OR5M1: variants seen among roughly 807,000 people sequenced by gnomAD.
OR5M1 encodes olfactory receptor family 5 subfamily M member 1.
For synonymous variants in OR5M1, 165 were observed against 144.2 expected, an observed-to-expected ratio of 1.14 and a Z score of -1.04; for missense variants, 367 against 379.5, an observed-to-expected ratio of 0.97 and a Z score of 0.27.
rs779584648 is a variant in OR5M1 at position 56,613,052 on chromosome 11, A to G, written c.451T>C (p.Tyr151His). Residue 151 changes from tyrosine (Y) to histidine (H), a missense_variant, in exon 2 of 2, where the codon TAT (tyrosine) becomes CAT (histidine). By Grantham distance (83) the Tyr-to-His change is moderately conservative. Coordinates refer to ENST00000641076, the MANE Select transcript of OR5M1 (RefSeq NM_001004740.2). ...TGAGAGAACCCACTAAGAAACCCATACATGTAAGGGATAGTGACCAGACAG... is the reference window on the plus strand; with the variant it reads ...TGAGAGAACCCACTAAGAAACCCATGCATGTAAGGGATAGTGACCAGACAG... The part of the protein sequence containing the change: ...CVCLVTIPYM[Y>H]GFLSGFSQSL... 66 of 1,611,482 alleles carry G rather than the reference A, an allele frequency of 4.1e-5. 3 individuals carry two copies. The South Asian group carries it at 7.1e-4, about 17-fold the overall frequency.
chr11:56,611,940 T>G lies in OR5M1; in HGVS notation c.*615A>C, dbSNP rs11600720. On this transcript the variant is annotated 3_prime_UTR_variant, in exon 2 of 2. Transcript: ENST00000641076. ...AAACTCATAAAAAGGTGTTGAGAGT[T>G]GATTTTCAGAATCAAGGACGATAAC... 0.098 allele frequency: 14,963 copies of G among 152,176 alleles called. 862 individuals carry two copies. The highest frequency in any genetic ancestry group is 0.14 in the Non-Finnish European group (9,781 of 67,976). The allele number at this position is 152,176 out of a possible 1,614,324, so 9.4% of individuals were successfully genotyped here.
rs1207684469 is a variant in OR5M1, at chr11:56,611,605, T to C, written c.*950A>G. ...TAATGCATGGATTAATGTGTCTCCT[T>C]AGGTAGCCTCTCTGAGATTGATTTT... On this transcript the variant is annotated 3_prime_UTR_variant, in exon 2 of 2. Transcript: ENST00000641076. The C allele has an allele frequency of 1.3e-5, 2 of 152,090 alleles. No homozygotes were observed. Among genetic ancestry groups the C allele is most frequent in the Non-Finnish European group, 2.9e-5 (2 of 68,016 alleles). The allele number at this position is 152,090 out of a possible 1,614,324, so 9.4% of individuals were successfully genotyped here.
Position 56,609,284 on chromosome 11 carries a change from G to T in OR5M1, c.*3271C>A, listed in dbSNP as rs1198086995. The T allele has an allele frequency of 6.6e-6, 1 of 151,772 alleles. No individual in the cohort carries two copies. Among genetic ancestry groups the T allele is most frequent in the Non-Finnish European group, 1.5e-5 (1 of 67,794 alleles). 9.4% of individuals were successfully genotyped at this position (151,772 alleles called of 1,614,324 possible). On this transcript the variant is annotated 3_prime_UTR_variant, in exon 2 of 2. Coordinates refer to ENST00000641076, the MANE Select transcript of OR5M1 (RefSeq NM_001004740.2). ...ACTTACATAACAGCAATAAGCAAAA[G>T]GTCACATTTTTCCAAATAGAAATAC...
rs1029180984 is a variant in OR5M1, at chr11:56,612,649, A to G, written c.854T>C (p.Leu285Pro). The G allele has an allele frequency of 3.1e-5, 50 of 1,613,646 alleles. No homozygotes were observed. The highest frequency in any genetic ancestry group is 4.1e-5 in the Non-Finnish European group (48 of 1,179,730). ...AVFYTFLSPMLNPLIYSLRNT... is the reference protein window; with the variant it reads ...AVFYTFLSPMPNPLIYSLRNT... ...CCGTAGGCTATAGATCAATGGGTTCAGCATTGGGCTCAAAAAAGTATAAAA... is the reference window on the plus strand; with the variant it reads ...CCGTAGGCTATAGATCAATGGGTTCGGCATTGGGCTCAAAAAAGTATAAAA... Residue 285 changes from leucine to proline, a missense_variant, in exon 2 of 2, where the codon CTG (leucine) becomes CCG (proline). Physicochemically the swap from Leu to Pro is moderately conservative, Grantham distance 98. Transcript: ENST00000641076.
rs777673604 is a variant in OR5M1, at chr11:56,612,964, G to A, written c.539C>T (p.Ala180Val). 7.4e-6 allele frequency: 12 copies of A among 1,613,818 alleles called. No individual in the cohort carries two copies. In the South Asian group the frequency reaches 1.2e-4, roughly 16 times the overall value. Residue 180 changes from alanine (A) to valine (V), a missense_variant, in exon 2 of 2, where the codon GCT becomes GTT. Ala to Val is a moderately conservative substitution (Grantham distance 64, BLOSUM62 0). Transcript: ENST00000641076. Reference sequence around the variant, plus strand: ...GGCCAGCATGATAAGAGGAGGATCAGCGCAGTAGAAATGATTGATTTCAAG... The same window carrying A: ...GGCCAGCATGATAAGAGGAGGATCAACGCAGTAGAAATGATTGATTTCAAG... ...GSLEINHFYC[A>V]DPPLIMLACS... is the part of the protein sequence containing the mutation.
chr11:56,614,565 C>G (rs1359454683), intron 1 of OR5M1, among the ~76,000 whole-genome samples: 1 of 152,076 alleles, frequency 6.6e-6, no homozygotes, highest in East Asian at 1.9e-4. Context: ...CACTCTCTCT[C>G]AGTTCTCTTT....
rs2134956407 is a variant in OR5M1 at position 56,610,128 on chromosome 11, T to G, written c.*2427A>C. The G allele has an allele frequency of 6.6e-6, 1 of 152,104 alleles. No individual in the cohort carries two copies. Among genetic ancestry groups the G allele is most frequent in the East Asian group, 1.9e-4 (1 of 5,172 alleles). 9.4% of individuals were successfully genotyped at this position (152,104 alleles called of 1,614,324 possible). A position where few individuals can be genotyped will look rare whatever the true frequency, so the allele number is the denominator to read the frequency against. ...TCACAGGACAGATCCCTCATAAATT[T>G]TACTCCCTCATATTTGTCTGTACCT... On this transcript the variant is annotated 3_prime_UTR_variant, in exon 2 of 2. Coordinates refer to ENST00000641076, the MANE Select transcript of OR5M1 (RefSeq NM_001004740.2).
At position 56,612,865 on chromosome 11, in the gene OR5M1, A is replaced by T. The variant is rs1427216931; in HGVS notation, c.638T>A (p.Ile213Asn). 2 of 1,613,630 alleles carry T rather than the reference A, an allele frequency of 1.2e-6. No individual in the cohort carries two copies. The highest frequency in any genetic ancestry group is 2.7e-5 in the African/African-American group (2 of 74,932). The part of the protein sequence containing the change: ...AGFNLSSSLF[I>N]ILLSYLFIFA... ...AATGAAAAGATAGGACAGAAGAATGATGAAGAGAGAGCTTGAGAGATTAAA... is the reference window on the plus strand; with the variant it reads ...AATGAAAAGATAGGACAGAAGAATGTTGAAGAGAGAGCTTGAGAGATTAAA... Residue 213 changes from isoleucine to asparagine, a missense_variant, in exon 2 of 2, where the codon ATC becomes AAC. Coordinates refer to ENST00000641076, the MANE Select transcript of OR5M1 (RefSeq NM_001004740.2).
intron 1 of OR5M1, among the ~76,000 whole-genome samples, chr11:56,614,489 T>C (rs1172392517): frequency 6.6e-6 from 1 of 152,078 alleles, no homozygotes; most frequent in African/African-American, 2.4e-5. Flanking sequence ...ACTAACCCAC[T>C]CATGACAATA....
chr11:56,613,562 T>G, intron 1 of OR5M1, 43 bp from the exon 2 acceptor site: 1 of 1,495,294 alleles, frequency 6.7e-7, no homozygotes, highest in Non-Finnish European at 9.2e-7. Context: ...CTGATTCAGA[T>G]TTGGCATTTG....
chr11:56,612,034 C>T lies in OR5M1; in HGVS notation c.*521G>A, dbSNP rs928287305. 2 of 152,186 alleles carry T rather than the reference C, an allele frequency of 1.3e-5. No homozygotes were observed. The highest frequency in any genetic ancestry group is 4.8e-5 in the African/African-American group (2 of 41,450). The allele number at this position is 152,186 out of a possible 1,614,324, so 9.4% of individuals were successfully genotyped here. A position where few individuals can be genotyped will look rare whatever the true frequency, so the allele number is the denominator to read the frequency against. ...ACAAGATGGGTTTGGGGAACACTTA[C>T]AGCAAATTTAACGTATCAGTGACCC... On this transcript the variant is annotated 3_prime_UTR_variant, in exon 2 of 2. Coordinates refer to ENST00000641076, the MANE Select transcript of OR5M1 (RefSeq NM_001004740.2).
At position 56,609,906 on chromosome 11, in the gene OR5M1, T is replaced by C. The variant is rs1853654382; in HGVS notation, c.*2649A>G. The C allele has an allele frequency of 6.6e-6, 1 of 152,038 alleles. No homozygotes were observed. The allele number at this position is 152,038 out of a possible 1,614,324, so 9.4% of individuals were successfully genotyped here. ...TATTAAGGTCATATGATCTAACTAT[T>C]ATATGACATTCAACATGATGTTCAT... is the stretch of plus-strand genomic sequence containing the variant. On this transcript the variant is annotated 3_prime_UTR_variant, in exon 2 of 2. Coordinates refer to ENST00000641076, the MANE Select transcript of OR5M1 (RefSeq NM_001004740.2).
rs1284941975 is a variant in OR5M1 at position 56,611,108 on chromosome 11, C to T, written c.*1447G>A. On this transcript the variant is annotated 3_prime_UTR_variant, in exon 2 of 2. Transcript: ENST00000641076. ...CCACCGATGAAATGATGCTGGCCCTCAAAAAGGAAGTGAGGACTCTGTGTC... is the reference window on the plus strand; with the variant it reads ...CCACCGATGAAATGATGCTGGCCCTTAAAAAGGAAGTGAGGACTCTGTGTC... 1 of 149,550 alleles carries T rather than the reference C, an allele frequency of 6.7e-6. No homozygotes were observed. The highest frequency in any genetic ancestry group is 1.5e-5 in the Non-Finnish European group (1 of 66,538). The allele number at this position is 149,550 out of a possible 1,614,324, so 9.3% of individuals were successfully genotyped here.
At chr11:56,614,570 C>G (rs1853722691) in intron 1 of OR5M1, among the ~76,000 whole-genome samples, 1 of 152,058 alleles carries the variant, frequency 6.6e-6, no homozygotes, top group Non-Finnish European at 1.5e-5. Flanking sequence ...TCTCTCAGTT[C>G]TCTTTGAAAG....
At position 56,613,320 on chromosome 11, in the gene OR5M1, G is replaced by A. The variant is rs1853706062; in HGVS notation, c.183C>T (p.Phe61=). 3 of 1,613,694 alleles carry A rather than the reference G, an allele frequency of 1.9e-6. No individual in the cohort carries two copies. The East Asian group carries it at 6.7e-5, about 36-fold the overall frequency. Residue 61 remains phenylalanine (F), a synonymous_variant, in exon 2 of 2, where the codon TTC becomes TTT. Coordinates refer to ENST00000641076, the MANE Select transcript of OR5M1 (RefSeq NM_001004740.2). ...TNSHLQTPMY[F]FLGHLSFVDI... ...CTACAAAGGAGAGGTGGCCAAGGAAGAAATACATGGGTGTTTGCAGGTGGG... is the reference window on the plus strand; with the variant it reads ...CTACAAAGGAGAGGTGGCCAAGGAAAAAATACATGGGTGTTTGCAGGTGGG...
Position 56,612,951 on chromosome 11 carries a change from A to G in OR5M1, c.552T>C (p.Leu184=), listed in dbSNP as rs370951522. Residue 184 remains leucine, a synonymous_variant, in exon 2 of 2, where the codon CTT becomes CTC. Transcript: ENST00000641076. ...INHFYCADPP[L]IMLACSDTRV... is the part of the protein sequence containing the mutation. ...GGGTGTCAGAGCAGGCCAGCATGATAAGAGGAGGATCAGCGCAGTAGAAAT... is the reference window on the plus strand; with the variant it reads ...GGGTGTCAGAGCAGGCCAGCATGATGAGAGGAGGATCAGCGCAGTAGAAAT... The G allele has an allele frequency of 1.4e-4, 233 of 1,613,766 alleles. No homozygotes were observed. The African/African-American group carries it at 3.0e-3, about 21-fold the overall frequency.
rs1290928446 is a variant in OR5M1 at position 56,613,509 on chromosome 11, A to G, written c.-7T>C. ...TGTGGTTTGGGGAGAACATCTTCTT[A>G]TCTCTTGAAACTGAAAGTGACAAAG... On this transcript the variant is annotated 5_prime_UTR_variant, in exon 2 of 2. Coordinates refer to ENST00000641076, the MANE Select transcript of OR5M1 (RefSeq NM_001004740.2). The G allele has an allele frequency of 1.9e-5, 30 of 1,605,980 alleles. No individual in the cohort carries two copies. The highest frequency in any genetic ancestry group is 2.6e-5 in the Non-Finnish European group (30 of 1,173,626).
chr11:56,614,686 G>A (rs921297652), intron 1 of OR5M1, among the ~76,000 whole-genome samples, 171 bp downstream of exon 1: 2 of 151,848 alleles, frequency 1.3e-5, no homozygotes, highest in Admixed American at 6.6e-5. Context: ...ATTGATTGTA[G>A]AGAGTCAATG....
chr11:56,612,362 A>G lies in OR5M1; in HGVS notation c.*193T>C, dbSNP rs1853689271. The G allele has an allele frequency of 2.6e-6, 1 of 389,716 alleles. No homozygotes were observed. Among genetic ancestry groups the G allele is most frequent in the African/African-American group, 2.1e-5 (1 of 48,136 alleles). The allele number at this position is 389,716 out of a possible 1,614,324, so 24.1% of individuals were successfully genotyped here. A position where few individuals can be genotyped will look rare whatever the true frequency, so the allele number is the denominator to read the frequency against. ...TTTCATAGAATTTCTGACAAATAAA[A>G]CATTTTAAATTTCTCAACATTAAGG... On this transcript the variant is annotated 3_prime_UTR_variant, in exon 2 of 2. Transcript: ENST00000641076.
Sources: gnomAD v4.1 joint callset for allele counts (sites outside exome capture counted in the v4.1 genomes callset) on GRCh38, gnomAD v4.1.1 for gene constraint, MANE v1.5 for transcripts, NCBI Gene and HGNC (gene_info 2026-07-23, HGNC 2026-07-21) for gene names.